The following PCDHA10 variants were observed in gnomAD, a reference collection of about 807,000 sequenced individuals.
The protein encoded by PCDHA10 is protocadherin alpha-10.
A neutral mutation model predicts 61.2 loss-of-function variants in PCDHA10; 45 were observed. That is an observed-to-expected ratio of 0.74 (90% CI 0.58 to 0.94). The LOEUF is 0.94. PCDHA10 is among the 40% of genes least tolerant of loss of function. PCDHA10 has a pLI of 0.00. For synonymous variants in PCDHA10, 602 were observed against 548.8 expected, an observed-to-expected ratio of 1.10 and a Z score of -1.35; for missense variants, 1,278 against 1,236.2, an observed-to-expected ratio of 1.03 and a Z score of -0.51.
intron 1 of PCDHA10, chr5:140,864,049 A>G (rs2048299792): frequency 6.5e-6 from 1 of 152,910 alleles, no homozygotes; most frequent in Non-Finnish European, 1.5e-5. Flanking sequence ...ACTTTTTACT[A>G]CAGTCACCAT....
At chr5:140,884,995 T>C (rs1168400289) in intron 1 of PCDHA10, among the ~76,000 whole-genome samples, 1 of 152,228 alleles carries the variant, frequency 6.6e-6, no homozygotes, top group African/African-American at 2.4e-5. Context: ...AAAATGTTTG[T>C]TTTAATGAGG....
intron 1 of PCDHA10, among the ~76,000 whole-genome samples, chr5:140,925,376 A>G (rs1010003214): frequency 2.0e-5 from 3 of 152,150 alleles, no homozygotes; most frequent in Non-Finnish European, 2.9e-5. Context: ...TCAATAGTCA[A>G]TGAGTCTCCT....
intron 1 of PCDHA10, chr5:140,884,397 T>C: frequency 6.2e-7 from 1 of 1,613,992 alleles, no homozygotes; most frequent in South Asian, 1.1e-5. Flanking sequence ...GTGTCCAGCC[T>C]GTTGGTGCTC....
rs538677309 is a variant in PCDHA10, at chr5:140,927,177, G to T, written c.2389-51772G>T. ...GCAGGGCCAAAGCTGCCTGCGTCTT[G>T]ACCTACGACCTGGTGCTCGAGGACC... On this transcript the variant is annotated intron_variant, in intron 1 of 3. Coordinates refer to ENST00000307360, the MANE Select transcript of PCDHA10 (RefSeq NM_018901.4). 78 of 1,614,148 alleles carry T rather than the reference G, an allele frequency of 4.8e-5. 3 individuals carry two copies. In the East Asian group the frequency reaches 6.7e-4, roughly 14 times the overall value.
At position 140,928,683 on chromosome 5, in the gene PCDHA10, C is replaced by T. The variant is rs868920923; in HGVS notation, c.2389-50266C>T. ...ACAGTGGTTCTAATGCCTGGCTTTC[C>T]TACCACATCTCCCGGGCGTCTGACT... On this transcript the variant is annotated intron_variant, in intron 1 of 3. Transcript: ENST00000307360. 3.7e-6 allele frequency: 6 copies of T among 1,614,172 alleles called. No individual in the cohort carries two copies. In the Middle Eastern group the frequency reaches 6.6e-4, roughly 178 times the overall value.
intron 1 of PCDHA10, among the ~76,000 whole-genome samples, chr5:140,957,377 G>A (rs1001680224): frequency 3.3e-5 from 5 of 152,074 alleles, no homozygotes; most frequent in Admixed American, 2.0e-4. Context: ...TTATTATAGT[G>A]TATTGTTATA....
At chr5:140,958,375 T>A (rs1554223446) in intron 1 of PCDHA10, among the ~76,000 whole-genome samples, 1 of 152,162 alleles carries the variant, frequency 6.6e-6, no homozygotes, top group Non-Finnish European at 1.5e-5. Flanking sequence ...AATGTTGCTA[T>A]TTTCTTAACA....
intron 1 of PCDHA10, among the ~76,000 whole-genome samples, chr5:140,945,682 G>GT (rs1325077083): frequency 6.6e-6 from 1 of 152,010 alleles, no homozygotes; most frequent in African/African-American, 2.4e-5. Context: ...AATCCACACA[G>GT]TTACTGTCCA....
At chr5:140,915,023 G>A (rs1273717052) in intron 1 of PCDHA10, among the ~76,000 whole-genome samples, 3 of 147,742 alleles carry the variant, frequency 2.0e-5, no homozygotes, top group African/African-American at 7.5e-5. Context: ...TTGGCTCACT[G>A]CAACTTCTGC....
chr5:140,923,573 A>C (rs1180737452), intron 1 of PCDHA10, among the ~76,000 whole-genome samples: 2 of 152,214 alleles, frequency 1.3e-5, no homozygotes, highest in African/African-American at 4.8e-5. Flanking sequence ...GGTCCTGCTA[A>C]AGAGAAGGTT....
Position 140,886,416 on chromosome 5 carries a change from A to T in PCDHA10, c.2388+27980A>T, listed in dbSNP as rs184712902. Among the ~76,000 whole-genome samples, 13 of 152,286 alleles carry T rather than the reference A, an allele frequency of 8.5e-5. No homozygotes were observed. The East Asian group carries it at 2.5e-3, about 29-fold the overall frequency. ...TGCATCACAAATATGTTTTCCTCCT[A>T]TATTATTTCTATTCATTTGTTTGTA... is the stretch of plus-strand genomic sequence containing the variant. On this transcript the variant is annotated intron_variant, in intron 1 of 3. Transcript: ENST00000307360.
intron 1 of PCDHA10, among the ~76,000 whole-genome samples, chr5:140,941,191 T>TTTTTTCTTTC (rs1554213809): frequency 1.1e-5 from 1 of 93,206 alleles, no homozygotes; most frequent in Non-Finnish European, 2.3e-5. Flanking sequence ...GCTTCTTTTT[T>TTTTTTCTTTC]TTTCTTTCTT....
At chr5:140,872,800 C>T (rs2053907687) in intron 1 of PCDHA10, among the ~76,000 whole-genome samples, 2 of 152,078 alleles carry the variant, frequency 1.3e-5, no homozygotes, top group African/African-American at 4.8e-5. Context: ...TGGCATTCTT[C>T]CATAAGTTTT....
intron 1 of PCDHA10, chr5:140,865,878 T>C (rs1436758278): frequency 1.3e-5 from 2 of 152,170 alleles, no homozygotes; most frequent in Non-Finnish European, 2.9e-5. Flanking sequence ...GCTAGGAAAA[T>C]CAAGCACAAA....
rs189901944 is a variant in PCDHA10, at chr5:140,916,206, G to A, written c.2388+57770G>A. 4.6e-3 allele frequency among the ~76,000 whole-genome samples: 705 copies of A among 152,282 alleles called. 3 individuals carry two copies. The highest frequency in any genetic ancestry group is 0.016 in the African/African-American group (682 of 41,562). ...AGGAAGTGGGCACCCCTCTGCCCTG[G>A]GGAAGATCCAAATATGCTTTCCAGG... On this transcript the variant is annotated intron_variant, in intron 1 of 3. Transcript: ENST00000307360.
chr5:140,883,355 A>T (rs763058953), intron 1 of PCDHA10: 2 of 1,614,076 alleles, frequency 1.2e-6, no homozygotes, highest in Admixed American at 3.3e-5. Context: ...CAGAGAAGAC[A>T]CTCAGCCTAG....
At chr5:140,897,863 T>C (rs1432232591) in intron 1 of PCDHA10, among the ~76,000 whole-genome samples, 6 of 152,206 alleles carry the variant, frequency 3.9e-5, no homozygotes, top group Admixed American at 3.9e-4. Flanking sequence ...GTTTCCTGAC[T>C]TTTTAATGAT....
chr5:141,006,491 G>A (rs142641127), intron 3 of PCDHA10, among the ~76,000 whole-genome samples: 4,876 of 152,234 alleles, frequency 0.032, 273 homozygotes, highest in African/African-American at 0.11. Context: ...GGGATTACAT[G>A]TGTGAGCCAC....
chr5:140,858,247 G>A lies in PCDHA10; in HGVS notation c.2199G>A (p.Val733=). The A allele has an allele frequency of 1.3e-6, 2 of 1,596,540 alleles. No homozygotes were observed. Among genetic ancestry groups the A allele is most frequent in the East Asian group, 4.5e-5 (2 of 44,830 alleles). Reference sequence around the variant, plus strand: ...CCACCGAGGGCGCATGTGGGCCGGTGAAGCCCACGCTGGTGTGCTCTAGCG... The same window carrying A: ...CCACCGAGGGCGCATGTGGGCCGGTAAAGCCCACGCTGGTGTGCTCTAGCG... ...AAPTEGACGP[V]KPTLVCSSAV... The change falls in exon 1 of 4, where the codon GTG becomes GTA. Residue 733 remains valine, a synonymous_variant. Coordinates refer to ENST00000307360, the MANE Select transcript of PCDHA10 (RefSeq NM_018901.4).
Sources: gnomAD v4.1 joint callset for allele counts (sites outside exome capture counted in the v4.1 genomes callset) on GRCh38, gnomAD v4.1.1 for gene constraint, MANE v1.5 for transcripts, NCBI Gene and HGNC (gene_info 2026-07-23, HGNC 2026-07-21) for gene names.